SEL1L2: variants seen among roughly 807,000 people sequenced by gnomAD.
The protein encoded by SEL1L2 is SEL1L2 adaptor subunit of SYVN1 ubiquitin ligase, also known as protein sel-1 homolog 2.
Under a neutral mutation model 98.8 loss-of-function variants are expected in SEL1L2, and 89 were observed. That is an observed-to-expected ratio of 0.90 (90% CI 0.76 to 1.07). The LOEUF is 1.07. Among genes scored for constraint, SEL1L2 ranks in the 50% least tolerant of loss-of-function variants. SEL1L2 has a pLI of 0.00. For synonymous variants in SEL1L2, 262 were observed against 278.5 expected (o/e 0.94, Z 0.59); for missense variants, 788 against 812.0 (o/e 0.97, Z 0.36).
intron 18 of SEL1L2, among the ~76,000 whole-genome samples, chr20:13,855,615 G>A (rs1989028857): frequency 6.6e-6 from 1 of 152,176 alleles, no homozygotes. Context: ...GTTCCTGGTT[G>A]GTGGTGAATT....
Position 13,931,586 on chromosome 20 carries a change from A to T in SEL1L2, c.283+17T>A. On this transcript the variant is annotated intron_variant, in intron 3 of 19. Transcript: ENST00000284951. Reference sequence around the variant, plus strand: ...GTAGTCATTTTAAATTTACATGTGAAAAGATATTCTACTTACAATGATTCT... The same window carrying T: ...GTAGTCATTTTAAATTTACATGTGATAAGATATTCTACTTACAATGATTCT... 7.7e-7 allele frequency: 1 copy of T among 1,291,386 alleles called. No individual in the cohort carries two copies. Among genetic ancestry groups the T allele is most frequent in the Non-Finnish European group, 1.0e-6 (1 of 955,830 alleles). 80.0% of individuals were successfully genotyped at this position (1,291,386 alleles called of 1,614,324 possible). A position where few individuals can be genotyped will look rare whatever the true frequency, so the allele number is the denominator to read the frequency against.
At chr20:13,926,371 A>G (rs1391535047) in intron 3 of SEL1L2, among the ~76,000 whole-genome samples, 2 of 152,184 alleles carry the variant, frequency 1.3e-5, no homozygotes, top group African/African-American at 4.8e-5. Flanking sequence ...TCAGAACCAC[A>G]TCTAAAGAAG....
chr20:13,880,195 T>C (rs1170316221), intron 10 of SEL1L2, among the ~76,000 whole-genome samples: 1 of 152,212 alleles, frequency 6.6e-6, no homozygotes, highest in Non-Finnish European at 1.5e-5. Flanking sequence ...TTCTGTAAAA[T>C]CATTTTCAAA....
chr20:13,948,906 G>C (rs986408239), intron 2 of SEL1L2, among the ~76,000 whole-genome samples: 1 of 152,166 alleles, frequency 6.6e-6, no homozygotes, highest in African/African-American at 2.4e-5. Context: ...ACAGAACTCA[G>C]ATAAAACAAA....
chr20:13,870,227 G>A (rs1484556363), intron 12 of SEL1L2, 24 bp from the exon 13 acceptor site: 5 of 1,574,292 alleles, frequency 3.2e-6, no homozygotes, highest in Non-Finnish European at 3.5e-6. Flanking sequence ...ATAAAGCCAA[G>A]TAAAGTCCCA....
chr20:13,943,027 A>C (rs1320656625), intron 2 of SEL1L2, among the ~76,000 whole-genome samples: 1 of 151,170 alleles, frequency 6.6e-6, no homozygotes, highest in Non-Finnish European at 1.5e-5. Context: ...AGATGTAATA[A>C]CCACCCCTAA....
chr20:13,939,040 G>GTTTTTTTTTTTTTTTTTTTTT lies in SEL1L2; in HGVS notation c.115-7270_115-7269insAAAAAAAAAAAAAAAAAAAAA, dbSNP rs386365633. Reference sequence around the variant, plus strand: ...TCTTTTTGGTTTGTTTGCTTGTTTTGTTTTTTTTTTTTTTTTTTTCTGAGA... The same window carrying GTTTTTTTTTTTTTTTTTTTTT: ...TCTTTTTGGTTTGTTTGCTTGTTTTGTTTTTTTTTTTTTTTTTTTTTTTTTTTTTTTTTTTTTTTTCTGAGA... On this transcript the variant is annotated intron_variant, in intron 2 of 19. Coordinates refer to ENST00000284951, the MANE Select transcript of SEL1L2 (RefSeq NM_025229.2). Among the ~76,000 whole-genome samples, 55 of 114,072 alleles carry GTTTTTTTTTTTTTTTTTTTTT rather than the reference G, an allele frequency of 4.8e-4. 2 individuals carry two copies. The highest frequency in any genetic ancestry group is 1.7e-3 in the African/African-American group (50 of 28,882). 74.8% of individuals were successfully genotyped at this position (114,072 alleles called of 152,430 possible). A position where few individuals can be genotyped will look rare whatever the true frequency, so the allele number is the denominator to read the frequency against.
chr20:13,925,399 G>A (rs777841190), intron 3 of SEL1L2, among the ~76,000 whole-genome samples: 3 of 152,194 alleles, frequency 2.0e-5, no homozygotes, highest in African/African-American at 4.8e-5. Flanking sequence ...CTGTATGAGG[G>A]TCAGGGCTGT....
chr20:13,883,854 C>T (rs1304745950), intron 10 of SEL1L2, among the ~76,000 whole-genome samples: 1 of 152,244 alleles, frequency 6.6e-6, no homozygotes, highest in Non-Finnish European at 1.5e-5. Context: ...ATGAGGACGT[C>T]TTCCTAGTTA....
chr20:13,886,413 C>T lies in SEL1L2; in HGVS notation c.775G>A (p.Val259Ile), dbSNP rs1260030131. ...IADTFEKSEGVPVEKVRLTER... is the reference protein window; with the variant it reads ...IADTFEKSEGIPVEKVRLTER... The stretch of plus-strand genomic sequence containing the variant: ...GTTAGTCTCACTTTTTCCACTGGAA[C>T]ACCTTCACTTTTTTCAAATGTGTCA... The change falls in exon 9 of 20, where the codon GTT (valine) becomes ATT (isoleucine). Residue 259 changes from valine to isoleucine, a missense_variant. Transcript: ENST00000284951. 5.6e-6 allele frequency: 9 copies of T among 1,613,700 alleles called. No homozygotes were observed. Among genetic ancestry groups the T allele is most frequent in the Non-Finnish European group, 7.6e-6 (9 of 1,179,978 alleles).
At chr20:13,876,251 G>A (rs2046423230) in intron 11 of SEL1L2, 136 bp from the exon 12 acceptor site, 10 of 641,366 alleles carry the variant, frequency 1.6e-5, no homozygotes, top group Non-Finnish European at 2.5e-5. Context: ...CCACTGAATT[G>A]TATAAAGTGG....
At chr20:13,958,143 T>C (rs6079235) in intron 1 of SEL1L2, among the ~76,000 whole-genome samples, 103,470 of 152,110 alleles carry the variant, frequency 0.68, 36,451 homozygotes, top group South Asian at 0.79. Flanking sequence ...AACAGGCCTA[T>C]ATTCTAGTCT....
intron 3 of SEL1L2, among the ~76,000 whole-genome samples, chr20:13,930,087 G>C (rs940555108): frequency 1.3e-5 from 2 of 152,284 alleles, no homozygotes; most frequent in African/African-American, 4.8e-5. Flanking sequence ...AATGGCCACC[G>C]GCCTTCTGAT....
chr20:13,979,075 A>G (rs181006851), intron 1 of SEL1L2, among the ~76,000 whole-genome samples: 174 of 152,258 alleles, frequency 1.1e-3, no homozygotes, highest in Non-Finnish European at 1.8e-3. Context: ...AAAAAAGAGA[A>G]AAGAAAAAAA....
In SEL1L2 at chr20:13,910,843, C is replaced by T. The variant is rs539995491; in HGVS notation, c.549+2939G>A. 9.2e-5 allele frequency among the ~76,000 whole-genome samples: 14 copies of T among 152,290 alleles called. No homozygotes were observed. In the South Asian group the frequency reaches 2.5e-3, roughly 27 times the overall value. On this transcript the variant is annotated intron_variant, in intron 5 of 19. Transcript: ENST00000284951. ...TTAGAGTAACACTAGCTAGATGTAA[C>T]TGGCTAGATGTAACTACATTAGCTA...
At chr20:13,907,565 T>C (rs2047989299) in intron 5 of SEL1L2, among the ~76,000 whole-genome samples, 1 of 152,062 alleles carries the variant, frequency 6.6e-6, no homozygotes, top group South Asian at 2.1e-4. Flanking sequence ...CAAGATCCTA[T>C]CTCAGAAATA....
chr20:13,941,462 T>C (rs2049772865), intron 2 of SEL1L2, among the ~76,000 whole-genome samples: 1 of 152,210 alleles, frequency 6.6e-6, no homozygotes, highest in Non-Finnish European at 1.5e-5. Context: ...TCCTGAGTTT[T>C]TGTCTTTCAA....
intron 3 of SEL1L2, among the ~76,000 whole-genome samples, chr20:13,928,832 T>G (rs1233707362): frequency 6.6e-6 from 1 of 152,192 alleles, no homozygotes; most frequent in African/African-American, 2.4e-5. Flanking sequence ...TACACATAAA[T>G]GTAAAATGTT....
intron 3 of SEL1L2, among the ~76,000 whole-genome samples, chr20:13,920,682 C>T (rs1028575816): frequency 2.0e-5 from 3 of 152,156 alleles, no homozygotes; most frequent in Non-Finnish European, 2.9e-5. Context: ...AGAAGAACCA[C>T]GCTTGAAGCC....
Sources: gnomAD v4.1 joint callset for allele counts (sites outside exome capture counted in the v4.1 genomes callset) on GRCh38, gnomAD v4.1.1 for gene constraint, MANE v1.5 for transcripts, NCBI Gene and HGNC (gene_info 2026-07-23, HGNC 2026-07-21) for gene names.